Variants in CCDC171 observed in about 807,000 individuals in gnomAD.
CCDC171 encodes the protein coiled-coil domain-containing protein 171.
In CCDC171, 177 loss-of-function variants were observed where a neutral mutation model predicts 168.2. The ratio of observed to expected loss-of-function variants is 1.05; its 90% CI spans 0.93 to 1.19. The LOEUF is 1.19. Ranked by LOEUF, CCDC171 falls within the 50% of genes most tolerant of loss-of-function variation. The pLI, the probability that CCDC171 is intolerant of heterozygous loss-of-function variation, is 0.00. For missense variants in CCDC171, 1,991 were observed against 1,539.0 expected, an observed-to-expected ratio of 1.29 and a Z score of -4.91; for synonymous variants, 687 against 540.8, an observed-to-expected ratio of 1.27 and a Z score of -3.75.
chr9:15,661,941 G>A (rs1487275913), intron 8 of CCDC171, among the ~76,000 whole-genome samples: 3 of 152,064 alleles, frequency 2.0e-5, no homozygotes, highest in Non-Finnish European at 4.4e-5. Context: ...AATTTAAATC[G>A]AGTTGTATCT....
At chr9:15,969,242 G>A (rs889749395) in intron 25 of CCDC171, among the ~76,000 whole-genome samples, 4 of 152,146 alleles carry the variant, frequency 2.6e-5, no homozygotes, top group Non-Finnish European at 5.9e-5. Context: ...AGAAAAAGTA[G>A]GATGAGAAAA....
At chr9:15,666,750 G>A (rs548947566) in intron 9 of CCDC171, among the ~76,000 whole-genome samples, 2 of 152,158 alleles carry the variant, frequency 1.3e-5, no homozygotes, top group South Asian at 2.1e-4. Context: ...ACCTGAGCCC[G>A]GGAGTTCAAG....
intron 25 of CCDC171, among the ~76,000 whole-genome samples, chr9:15,935,034 G>A (rs1373455331): frequency 1.3e-5 from 2 of 152,062 alleles, no homozygotes; most frequent in Non-Finnish European, 2.9e-5. Context: ...ACTGCTTAAC[G>A]CATATGGAAT....
chr9:15,734,038 G>A (rs1378201432), intron 16 of CCDC171, among the ~76,000 whole-genome samples: 2 of 152,096 alleles, frequency 1.3e-5, no homozygotes, highest in African/African-American at 4.8e-5. Flanking sequence ...GTCTCCCTAA[G>A]TGTTGTGATT....
At chr9:15,887,167 G>C (rs1819537463) in intron 24 of CCDC171, among the ~76,000 whole-genome samples, 1 of 151,978 alleles carries the variant, frequency 6.6e-6, no homozygotes, top group South Asian at 2.1e-4. Flanking sequence ...ATGTTAATTA[G>C]CTTGATTGTG....
chr9:15,585,736 G>A (rs2041505496), intron 4 of CCDC171, among the ~76,000 whole-genome samples: 1 of 152,130 alleles, frequency 6.6e-6, no homozygotes, highest in African/African-American at 2.4e-5. Flanking sequence ...CCAGCACTTT[G>A]GGAGGTGGAG....
rs1272206451 is a variant in CCDC171 at position 15,578,853 on chromosome 9, C to A, written c.182C>A (p.Ala61Glu). The change falls in exon 4 of 26, where the codon GCA becomes GAA. Residue 61 changes from alanine to glutamate, a missense_variant. Ala to Glu is a moderately radical substitution (Grantham distance 107, BLOSUM62 -1). Transcript: ENST00000380701. ...EITTKHNAEL[A>E]SYESQIAKLR... ...ATATCAGGAATCTGTTTTTAGCTGGCAAGCTATGAGAGCCAGATTGCCAAG... is the reference window on the plus strand; with the variant it reads ...ATATCAGGAATCTGTTTTTAGCTGGAAAGCTATGAGAGCCAGATTGCCAAG... The A allele has an allele frequency of 6.2e-7, 1 of 1,611,054 alleles. No individual in the cohort carries two copies. Among genetic ancestry groups the A allele is most frequent in the Middle Eastern group, 1.7e-4 (1 of 6,034 alleles).
downstream of CCDC171, among the ~76,000 whole-genome samples, chr9:15,975,298 G>A (rs1237134228): frequency 6.6e-6 from 1 of 152,088 alleles, no homozygotes; most frequent in Non-Finnish European, 1.5e-5. Flanking sequence ...GCCTAGAGCT[G>A]CAATTCCAAA....
intron 6 of CCDC171, among the ~76,000 whole-genome samples, chr9:16,033,050 G>A (rs1833392480): frequency 1.3e-5 from 2 of 152,174 alleles, no homozygotes. Context: ...CCATGAGCCA[G>A]GGAGGAGAGG....
intron 3 of CCDC171, among the ~76,000 whole-genome samples, chr9:15,575,853 A>T (rs2040607977): frequency 6.6e-6 from 1 of 152,188 alleles, no homozygotes; most frequent in Non-Finnish European, 1.5e-5. Flanking sequence ...GCACTTTAGG[A>T]GGCTGAGGTG....
At chr9:16,092,625 A>T in the CCDC171 span, among the ~76,000 whole-genome samples, 2 of 152,216 alleles carry the variant, frequency 1.3e-5, no homozygotes, top group African/African-American at 4.8e-5. Flanking sequence ...TTCAACCTAA[A>T]CATAGCCAAA....
chr9:15,602,284 G>T (rs948049553), intron 6 of CCDC171, among the ~76,000 whole-genome samples: 2 of 152,044 alleles, frequency 1.3e-5, no homozygotes, highest in African/African-American at 4.8e-5. Context: ...TTCTCTGTTG[G>T]CTGTTGATGG....
At chr9:15,796,875 A>G (rs2058582806) in intron 21 of CCDC171, among the ~76,000 whole-genome samples, 1 of 152,212 alleles carries the variant, frequency 6.6e-6, no homozygotes, top group African/African-American at 2.4e-5. Flanking sequence ...CTCAAGCACC[A>G]GTGCTAAGGG....
At chr9:15,677,918 ATATATAT>A (rs1325907661) in intron 9 of CCDC171, among the ~76,000 whole-genome samples, 1,694 of 35,246 alleles carry the variant, frequency 0.048, 210 homozygotes, top group South Asian at 0.082. Flanking sequence ...ATATATATAT[ATATATAT>A]AAGAGATGTG....
intron 23 of CCDC171, among the ~76,000 whole-genome samples, chr9:15,865,689 A>G (rs2061748842): frequency 1.3e-5 from 2 of 152,000 alleles, no homozygotes; most frequent in Non-Finnish European, 2.9e-5. Flanking sequence ...CACATAACAC[A>G]AAATATGTGT....
intron 15 of CCDC171, 123 bp downstream of exon 15, chr9:15,728,159 A>G: frequency 1.4e-6 from 1 of 726,380 alleles, no homozygotes; most frequent in Non-Finnish European, 2.2e-6. Flanking sequence ...TAATAATTCA[A>G]TACCATTAAT....
chr9:15,971,676 G>T lies in CCDC171; in HGVS notation c.3821G>T (p.Gly1274Val). Residue 1274 changes from glycine (G) to valine (V), a missense_variant, in exon 26 of 26, where the codon GGT becomes GTT. Gly to Val is a moderately radical substitution (Grantham distance 109, BLOSUM62 -3). Transcript: ENST00000380701. ...SRAPLPADTT[G>V]IGDFLPLKAE... The stretch of plus-strand genomic sequence containing the variant: ...GCTCCTCTTCCTGCTGACACAACTG[G>T]TATTGGGGATTTCTTACCATTGAAA... The T allele has an allele frequency of 6.2e-7, 1 of 1,613,784 alleles. No homozygotes were observed. Among genetic ancestry groups the T allele is most frequent in the Non-Finnish European group, 8.5e-7 (1 of 1,179,874 alleles).
intron 3 of CCDC171, among the ~76,000 whole-genome samples, chr9:15,995,732 C>G (rs1832348951): frequency 6.6e-6 from 1 of 152,230 alleles, no homozygotes; most frequent in African/African-American, 2.4e-5. Flanking sequence ...CACTACAAAT[C>G]TTTAAAAACT....
At chr9:16,077,319 G>A in the CCDC171 span, among the ~76,000 whole-genome samples, 2 of 152,256 alleles carry the variant, frequency 1.3e-5, no homozygotes, top group East Asian at 1.9e-4. Context: ...TGGGGCCCTC[G>A]CCTTACCGGG....
Sources: gnomAD v4.1 joint callset for allele counts (sites outside exome capture counted in the v4.1 genomes callset) on GRCh38, gnomAD v4.1.1 for gene constraint, MANE v1.5 for transcripts, NCBI Gene and HGNC (gene_info 2026-07-23, HGNC 2026-07-21) for gene names.